The following TOX3 variants were observed in gnomAD, a reference collection of about 807,000 sequenced individuals.
TOX3 encodes the protein CAG trinucleotide repeat-containing gene F9 protein.
Under a neutral mutation model 64.3 loss-of-function variants are expected in TOX3, and 22 were observed. That is an observed-to-expected ratio of 0.34 (90% CI 0.24 to 0.49). The LOEUF is 0.49. TOX3 is among the 20% of genes least tolerant of loss of function. The pLI is 0.99. For missense variants in TOX3, 661 were observed against 714.4 expected (o/e 0.93, Z 0.85); for synonymous variants, 291 against 273.6 (o/e 1.06, Z -0.63).
At chr16:52,442,623 T>C (rs892900627) in intron 6 of TOX3, among the ~76,000 whole-genome samples, 1 of 152,210 alleles carries the variant, frequency 6.6e-6, no homozygotes, top group African/African-American at 2.4e-5. Context: ...TAATAATCAC[T>C]GTACAATTCA....
intron 1 of TOX3, among the ~76,000 whole-genome samples, chr16:52,532,653 T>C (rs577347145): frequency 1.3e-5 from 2 of 152,312 alleles, no homozygotes; most frequent in South Asian, 4.1e-4. Flanking sequence ...TCACTCGCGA[T>C]AGATAACTGG....
chr16:52,477,308 A>G (rs928560104), intron 1 of TOX3, among the ~76,000 whole-genome samples: 1 of 152,152 alleles, frequency 6.6e-6, no homozygotes, highest in Admixed American at 6.5e-5. Flanking sequence ...GGCTAACCTA[A>G]ATATTTTGAA....
intron 3 of TOX3, 23 bp from the exon 4 acceptor site, chr16:52,450,569 G>C (rs1337567562): frequency 1.2e-6 from 2 of 1,612,602 alleles, no homozygotes; most frequent in African/African-American, 2.7e-5. Flanking sequence ...CAACAAAGGG[G>C]GAAAATATTT....
chr16:52,460,838 G>T (rs1960666838), intron 3 of TOX3, among the ~76,000 whole-genome samples: 1 of 152,270 alleles, frequency 6.6e-6, no homozygotes, highest in East Asian at 1.9e-4. Flanking sequence ...TGCACTGTGG[G>T]TATTCAAAAC....
At chr16:52,532,248 G>A (rs952325284) in intron 1 of TOX3, among the ~76,000 whole-genome samples, 2 of 152,178 alleles carry the variant, frequency 1.3e-5, no homozygotes, top group African/African-American at 2.4e-5. Context: ...CTCCCATCAA[G>A]AAATGGATTC....
chr16:52,522,547 C>T (rs977245354), intron 1 of TOX3, among the ~76,000 whole-genome samples: 8 of 152,158 alleles, frequency 5.3e-5, no homozygotes, highest in Admixed American at 2.6e-4. Context: ...ATCTTCCTCA[C>T]ACCTATGACA....
At chr16:52,519,805 T>A (rs1482758188) in intron 1 of TOX3, among the ~76,000 whole-genome samples, 2 of 150,394 alleles carry the variant, frequency 1.3e-5, no homozygotes, top group East Asian at 3.9e-4. Flanking sequence ...AAAAAAAAAA[T>A]TAAAAAATTA....
intron 3 of TOX3, among the ~76,000 whole-genome samples, chr16:52,455,418 G>C (rs1960485524): frequency 6.6e-6 from 1 of 152,010 alleles, no homozygotes; most frequent in African/African-American, 2.4e-5. Context: ...ACAGACATTA[G>C]CAAATGTCAA....
intron 1 of TOX3, among the ~76,000 whole-genome samples, chr16:52,508,842 A>G (rs908984945): frequency 2.0e-5 from 3 of 152,136 alleles, no homozygotes; most frequent in African/African-American, 7.2e-5. Context: ...TTAAATTCAC[A>G]TGTATAGCTA....
chr16:52,451,626 T>C (rs890482159), intron 3 of TOX3, among the ~76,000 whole-genome samples: 2 of 152,178 alleles, frequency 1.3e-5, no homozygotes, highest in African/African-American at 2.4e-5. Context: ...CTGTTCCTTT[T>C]TTGAGTCCTT....
chr16:52,532,735 G>A (rs1191813921), intron 1 of TOX3, among the ~76,000 whole-genome samples: 3 of 152,214 alleles, frequency 2.0e-5, no homozygotes, highest in Admixed American at 6.5e-5. Flanking sequence ...CAAGCTTTAG[G>A]AGGATATTCC....
At chr16:52,492,528 A>G (rs1961718374) in intron 1 of TOX3, among the ~76,000 whole-genome samples, 1 of 141,200 alleles carries the variant, frequency 7.1e-6, no homozygotes, top group Admixed American at 7.3e-5. Flanking sequence ...AGTTTGAAAA[A>G]TGACCAATAA....
intron 1 of TOX3, among the ~76,000 whole-genome samples, chr16:52,486,716 G>A (rs1961541430): frequency 6.6e-6 from 1 of 152,102 alleles, no homozygotes; most frequent in Non-Finnish European, 1.5e-5. Context: ...AGAATCAGCT[G>A]AGCCCTGGAG....
At chr16:52,481,649 T>C (rs900937013) in intron 1 of TOX3, among the ~76,000 whole-genome samples, 1 of 152,196 alleles carries the variant, frequency 6.6e-6, no homozygotes, top group African/African-American at 2.4e-5. Flanking sequence ...TGATAAGAAA[T>C]TATGGGAATC....
At chr16:52,513,413 T>C (rs1419928258) in intron 1 of TOX3, among the ~76,000 whole-genome samples, 2 of 152,212 alleles carry the variant, frequency 1.3e-5, no homozygotes, top group Non-Finnish European at 2.9e-5. Context: ...TTCCCAAATA[T>C]TCATGCAACT....
chr16:52,448,759 A>G (rs1163742065), intron 4 of TOX3, among the ~76,000 whole-genome samples: 1 of 152,150 alleles, frequency 6.6e-6, no homozygotes, highest in Non-Finnish European at 1.5e-5. Context: ...ACTCTCTGAG[A>G]AGTCCTGATT....
intron 1 of TOX3, among the ~76,000 whole-genome samples, chr16:52,469,757 T>G (rs890097137): frequency 6.6e-6 from 1 of 152,178 alleles, no homozygotes; most frequent in Non-Finnish European, 1.5e-5. Context: ...TATGGAAGAC[T>G]CATATAATCC....
chr16:52,464,221 T>C, intron 2 of TOX3, 33 bp from the exon 3 acceptor site: 3 of 1,453,800 alleles, frequency 2.1e-6, no homozygotes, highest in Non-Finnish European at 9.1e-7. Context: ...TATCTTCATA[T>C]TCTGTTCCTA....
chr16:52,474,974 G>GCACT (rs1316037267), intron 1 of TOX3, among the ~76,000 whole-genome samples: 1 of 152,012 alleles, frequency 6.6e-6, no homozygotes, highest in Non-Finnish European at 1.5e-5. Flanking sequence ...CAGGGCCTTT[G>GCACT]CACTGGCTGT....
Sources: gnomAD v4.1 joint callset for allele counts (sites outside exome capture counted in the v4.1 genomes callset) on GRCh38, gnomAD v4.1.1 for gene constraint, MANE v1.5 for transcripts, NCBI Gene and HGNC (gene_info 2026-07-23, HGNC 2026-07-21) for gene names.